The following NCAM1 variants were observed in gnomAD, a reference collection of about 807,000 sequenced individuals.
NCAM1 encodes neural cell adhesion molecule 1.
Under a neutral mutation model 109.8 loss-of-function variants are expected in NCAM1, and 14 were observed. The observed-to-expected ratio is 0.13, with a 90% CI of 0.08 to 0.20. NCAM1 has a LOEUF of 0.20. Among genes scored for constraint, NCAM1 ranks in the 10% least tolerant of loss-of-function variants. The pLI is 1.00. For missense variants in NCAM1, 774 were observed against 1,109.9 expected, an observed-to-expected ratio of 0.70 and a Z score of 4.30; for synonymous variants, 418 against 442.9, an observed-to-expected ratio of 0.94 and a Z score of 0.70.
At chr11:113,263,457 C>T (rs1555123778) in intron 17 of NCAM1, 3 of 985,758 alleles carry the variant, frequency 3.0e-6, no homozygotes, top group Non-Finnish European at 3.6e-6. Flanking sequence ...TTCACATGAG[C>T]GTTTTGCTGA....
At chr11:113,195,910 G>GGTGTGTGTGTGT (rs58873545) in intron 1 of NCAM1, among the ~76,000 whole-genome samples, 65 of 148,502 alleles carry the variant, frequency 4.4e-4, no homozygotes, top group African/African-American at 1.5e-3. Context: ...TTGTTTGCAG[G>GGTGTGTGTGTGT]GTGTGTGTGT....
At chr11:113,165,610 T>A (rs377370913) in intron 1 of NCAM1, among the ~76,000 whole-genome samples, 12 of 152,246 alleles carry the variant, frequency 7.9e-5, no homozygotes, top group African/African-American at 2.9e-4. Flanking sequence ...GGGACCATTA[T>A]GAGAGTAGAA....
intron 9 of NCAM1, among the ~76,000 whole-genome samples, chr11:113,227,681 C>A (rs550454145): frequency 1.3e-5 from 2 of 152,310 alleles, no homozygotes; most frequent in South Asian, 4.2e-4. Context: ...CAAAAATCAT[C>A]AATAAAATAC....
At chr11:113,232,987 T>TG (rs1294676981) in intron 12 of NCAM1, among the ~76,000 whole-genome samples, 160 bp from the exon 13 acceptor site, 1 of 152,012 alleles carries the variant, frequency 6.6e-6, no homozygotes, top group Non-Finnish European at 1.5e-5. Context: ...TGGGGCATGT[T>TG]GGGGGAGAAG....
intron 1 of NCAM1, among the ~76,000 whole-genome samples, chr11:113,182,372 C>T (rs1280507100): frequency 6.6e-6 from 1 of 152,156 alleles, no homozygotes; most frequent in Non-Finnish European, 1.5e-5. Context: ...CTGTTCCTTC[C>T]TTCACTGTCC....
At chr11:113,103,608 G>A (rs747806064) in intron 1 of NCAM1, among the ~76,000 whole-genome samples, 1 of 152,130 alleles carries the variant, frequency 6.6e-6, no homozygotes, top group Non-Finnish European at 1.5e-5. Context: ...GATAATGGGT[G>A]GGTTATCACT....
At chr11:113,272,781 CCTT>C (rs1946310385) in intron 19 of NCAM1, among the ~76,000 whole-genome samples, 1 of 152,126 alleles carries the variant, frequency 6.6e-6, no homozygotes, top group Non-Finnish European at 1.5e-5. Flanking sequence ...CTCTCAGCAT[CCTT>C]CTCTCTCTGT....
intron 1 of NCAM1, among the ~76,000 whole-genome samples, chr11:113,067,456 C>T (rs1355626666): frequency 6.6e-6 from 1 of 152,196 alleles, no homozygotes; most frequent in Non-Finnish European, 1.5e-5. Context: ...ATACCTTTGC[C>T]TCTTTGACAA....
At chr11:113,167,946 C>T (rs1942861445) in intron 1 of NCAM1, among the ~76,000 whole-genome samples, 1 of 152,164 alleles carries the variant, frequency 6.6e-6, no homozygotes. Flanking sequence ...AGTTGATCCA[C>T]ATCTTTACAT....
In NCAM1 at chr11:113,207,305, G is replaced by A. The variant is rs1555113023; in HGVS notation, c.673G>A (p.Ala225Thr). The A allele has an allele frequency of 1.9e-6, 3 of 1,613,916 alleles. No homozygotes were observed. Among genetic ancestry groups the A allele is most frequent in the Non-Finnish European group, 2.5e-6 (3 of 1,179,870 alleles). ...QARQNIVNATANLGQSVTLVC... is the reference protein window; with the variant it reads ...QARQNIVNATTNLGQSVTLVC... ...CAGGCAGAATATTGTGAATGCCACCGCCAACCTCGGCCAGTCCGTCACCCT... is the reference window on the plus strand; with the variant it reads ...CAGGCAGAATATTGTGAATGCCACCACCAACCTCGGCCAGTCCGTCACCCT... Residue 225 changes from alanine to threonine, a missense_variant, in exon 6 of 20, where the codon GCC (alanine) becomes ACC (threonine). Coordinates refer to ENST00000316851, the MANE Select transcript of NCAM1 (RefSeq NM_181351.5).
intron 17 of NCAM1, among the ~76,000 whole-genome samples, chr11:113,268,949 A>G (rs546829702): frequency 6.6e-6 from 1 of 152,292 alleles, no homozygotes; most frequent in South Asian, 2.1e-4. Flanking sequence ...GAGCACAGGA[A>G]GCTTTAGACA....
At position 113,236,322 on chromosome 11, in the gene NCAM1, G is replaced by C; in HGVS notation, c.1825+1158G>C. 1.9e-6 allele frequency: 3 copies of C among 1,612,866 alleles called. No individual in the cohort carries two copies. The East Asian group carries it at 6.7e-5, about 36-fold the overall frequency. On this transcript the variant is annotated intron_variant, in intron 14 of 19. Coordinates refer to ENST00000316851, the MANE Select transcript of NCAM1 (RefSeq NM_181351.5). ...GCAGATAGCCCTCCTCCACGTAAGT[G>C]CCTCTTCATACCTCATTACCTGTTT...
At chr11:113,269,435 GTC>G (rs1946217825) in intron 17 of NCAM1, 1 of 152,522 alleles carries the variant, frequency 6.6e-6, no homozygotes, top group African/African-American at 2.4e-5. Context: ...CTCTGAGTGA[GTC>G]TGCACTCACT....
chr11:113,202,811 A>G (rs1255790462), intron 2 of NCAM1, among the ~76,000 whole-genome samples: 1 of 152,238 alleles, frequency 6.6e-6, no homozygotes, highest in Non-Finnish European at 1.5e-5. Flanking sequence ...ACTGGCTCAG[A>G]AACAATACTT....
rs746014146 is a variant in NCAM1, at chr11:113,167,103, A to G, written c.53-35276A>G. Among the ~76,000 whole-genome samples the G allele has an allele frequency of 2.6e-5, 4 of 152,196 alleles. 1 individual carries two copies. Among genetic ancestry groups the G allele is most frequent in the Admixed American group, 2.6e-4 (4 of 15,278 alleles). ...ATGCCACTCTCACTACACTGACTAG[A>G]AAGTACGCAGTCTGGGTCCTTCCAT... On this transcript the variant is annotated intron_variant, in intron 1 of 19. Coordinates refer to ENST00000316851, the MANE Select transcript of NCAM1 (RefSeq NM_181351.5).
chr11:112,984,204 G>C (rs1461964826), intron 1 of NCAM1, among the ~76,000 whole-genome samples: 1 of 151,738 alleles, frequency 6.6e-6, no homozygotes, highest in Admixed American at 6.6e-5. Context: ...ATGTCCTCTT[G>C]GTTTATCTGT....
rs183151936 is a variant in NCAM1, at chr11:113,165,616, T to C, written c.53-36763T>C. Among the ~76,000 whole-genome samples the C allele has an allele frequency of 1.3e-3, 203 of 151,880 alleles. 1 individual carries two copies. Among genetic ancestry groups the C allele is most frequent in the Middle Eastern group, 6.8e-3 (2 of 294 alleles). Reference sequence around the variant, plus strand: ...ACCCCCGATGGGACCATTATGAGAGTAGAATGTTTTCCTGCACCCTTACGA... The same window carrying C: ...ACCCCCGATGGGACCATTATGAGAGCAGAATGTTTTCCTGCACCCTTACGA... On this transcript the variant is annotated intron_variant, in intron 1 of 19. Coordinates refer to ENST00000316851, the MANE Select transcript of NCAM1 (RefSeq NM_181351.5).
intron 19 of NCAM1, chr11:113,272,923 C>A (rs1555125773): frequency 8.8e-6 from 4 of 456,788 alleles, no homozygotes; most frequent in Admixed American, 4.7e-5. Flanking sequence ...TACTTCCTGT[C>A]CTCCCACAGG....
intron 5 of NCAM1, among the ~76,000 whole-genome samples, 158 bp downstream of exon 5, chr11:113,206,338 CTTT>C (rs199506206): frequency 2.2e-5 from 3 of 136,212 alleles, no homozygotes; most frequent in Non-Finnish European, 4.8e-5. Flanking sequence ...ATCTAGATTT[CTTT>C]TTTTTTTTTT....
Sources: gnomAD v4.1 joint callset for allele counts (sites outside exome capture counted in the v4.1 genomes callset) on GRCh38, gnomAD v4.1.1 for gene constraint, MANE v1.5 for transcripts, NCBI Gene and HGNC (gene_info 2026-07-23, HGNC 2026-07-21) for gene names.